CAPZA1: variants seen among roughly 807,000 people sequenced by gnomAD.
CAPZA1 encodes capping actin protein of muscle Z-line subunit alpha 1.
CAPZA1 carries 10 observed loss-of-function variants against 40.8 expected under a neutral mutation model. That is an observed-to-expected ratio of 0.25 (90% confidence interval 0.15 to 0.42). The LOEUF is 0.42. Among genes scored for constraint, CAPZA1 ranks in the 10% least tolerant of loss-of-function variants. CAPZA1 has a pLI of 1.00. For missense variants in CAPZA1, 277 were observed against 353.8 expected (o/e 0.78, Z 1.74); for synonymous variants, 98 against 115.0 (o/e 0.85, Z 0.95).
intron 7 of CAPZA1, chr1:112,666,789 T>C (rs1671731559): frequency 1.4e-5 from 4 of 281,666 alleles, no homozygotes; most frequent in Non-Finnish European, 6.6e-6. Flanking sequence ...TACCTTTGTA[T>C]TCACAATGCC....
chr1:112,628,540 A>T (rs1221581860), intron 1 of CAPZA1, among the ~76,000 whole-genome samples: 1 of 152,246 alleles, frequency 6.6e-6, no homozygotes, highest in African/African-American at 2.4e-5. Flanking sequence ...GAACAAAGGA[A>T]GTTAACTAGA....
chr1:112,660,311 C>G (rs1182537923), intron 7 of CAPZA1, among the ~76,000 whole-genome samples: 1 of 152,072 alleles, frequency 6.6e-6, no homozygotes, highest in Non-Finnish European at 1.5e-5. Flanking sequence ...TGGAGTTTTG[C>G]TCTTATTGCC....
intron 1 of CAPZA1, chr1:112,620,318 T>A (rs1273273387): frequency 6.4e-6 from 1 of 156,180 alleles, no homozygotes; most frequent in Non-Finnish European, 1.4e-5. Flanking sequence ...CACTTCCTGG[T>A]CAGGATGGCC....
chr1:112,656,028 A>G (rs1023172660), intron 5 of CAPZA1, among the ~76,000 whole-genome samples: 1 of 152,226 alleles, frequency 6.6e-6, no homozygotes, highest in Non-Finnish European at 1.5e-5. Context: ...AAATATGTAT[A>G]CATTGTGGAA....
chr1:112,624,605 C>CAA (rs34860716), intron 1 of CAPZA1, among the ~76,000 whole-genome samples: 978 of 55,828 alleles, frequency 0.018, 86 homozygotes, highest in African/African-American at 0.023. Context: ...AAAACTCCAT[C>CAA]AAAAAAAAAA....
At chr1:112,621,404 A>G (rs1670659027) in intron 1 of CAPZA1, among the ~76,000 whole-genome samples, 1 of 151,894 alleles carries the variant, frequency 6.6e-6, no homozygotes, top group South Asian at 2.1e-4. Context: ...GGCACCCGCC[A>G]CCAAGTCCAG....
At chr1:112,621,771 T>C (rs907485222) in intron 1 of CAPZA1, among the ~76,000 whole-genome samples, 2 of 149,526 alleles carry the variant, frequency 1.3e-5, no homozygotes, top group Non-Finnish European at 3.0e-5. Context: ...GTTTTTTTTT[T>C]TTTTTTTTGA....
At position 112,661,542 on chromosome 1, in the gene CAPZA1, G is replaced by A. The variant is rs141054816; in HGVS notation, c.585+1763G>A. Among the ~76,000 whole-genome samples the A allele has an allele frequency of 7.7e-3, 1,171 of 152,264 alleles. 7 individuals are homozygous for A. Among genetic ancestry groups the A allele is most frequent in the Middle Eastern group, 0.014 (4 of 294 alleles). On this transcript the variant is annotated intron_variant, in intron 7 of 9. Transcript: ENST00000263168. Reference sequence around the variant, plus strand: ...TGTCTTGGGGTCTCCTTCTGGGAAGGTGCAACCTAAGACAGCATACTGTTC... The same window carrying A: ...TGTCTTGGGGTCTCCTTCTGGGAAGATGCAACCTAAGACAGCATACTGTTC...
chr1:112,669,680 T>G, intron 9 of CAPZA1, 75 bp downstream of exon 9: 2 of 1,069,942 alleles, frequency 1.9e-6, no homozygotes, highest in Non-Finnish European at 2.9e-6. Flanking sequence ...TGTTAGGCCT[T>G]GTGTCCTTTA....
chr1:112,622,288 T>TTA (rs1315292797), intron 1 of CAPZA1, among the ~76,000 whole-genome samples: 6 of 152,104 alleles, frequency 3.9e-5, no homozygotes, highest in African/African-American at 1.4e-4. Flanking sequence ...TTTAATCACT[T>TTA]TATAAAGAGG....
At chr1:112,653,755 A>G in intron 4 of CAPZA1, 94 bp downstream of exon 4, 1 of 843,194 alleles carries the variant, frequency 1.2e-6, no homozygotes. Flanking sequence ...GTGCTGAATA[A>G]ATTTGTCTTA....
chr1:112,664,448 C>T (rs993818774), intron 7 of CAPZA1, among the ~76,000 whole-genome samples: 4 of 152,060 alleles, frequency 2.6e-5, no homozygotes, highest in Non-Finnish European at 5.9e-5. Flanking sequence ...TTTGACAAAA[C>T]ATAGCATTGG....
At chr1:112,664,456 T>C (rs1011814160) in intron 7 of CAPZA1, among the ~76,000 whole-genome samples, 33 of 152,126 alleles carry the variant, frequency 2.2e-4, no homozygotes, top group Non-Finnish European at 4.1e-4. Context: ...AACATAGCAT[T>C]GGGAGGTATT....
At chr1:112,659,844 G>C (rs1671569684) in intron 7 of CAPZA1, 65 bp downstream of exon 7, 1 of 1,281,678 alleles carries the variant, frequency 7.8e-7, no homozygotes, top group Middle Eastern at 1.9e-4. Context: ...AGGTTGCTTT[G>C]GTATTAAATA....
intron 1 of CAPZA1, among the ~76,000 whole-genome samples, chr1:112,623,398 A>T (rs1430472055): frequency 6.6e-6 from 1 of 152,146 alleles, no homozygotes; most frequent in East Asian, 1.9e-4. Flanking sequence ...ATCCTAGGAC[A>T]GGCCGGGCCC....
chr1:112,647,158 T>A (rs1671295269), intron 1 of CAPZA1, 52 bp from the exon 2 acceptor site: 1 of 834,314 alleles, frequency 1.2e-6, no homozygotes, highest in Admixed American at 2.6e-5. Flanking sequence ...ATTTCTCCTT[T>A]TATATGTTAC....
chr1:112,656,475 T>C (rs1266227707), intron 5 of CAPZA1, among the ~76,000 whole-genome samples: 1 of 108,952 alleles, frequency 9.2e-6, no homozygotes, highest in Non-Finnish European at 1.8e-5. Context: ...TTAATGAGAA[T>C]ACCCATTATG....
At position 112,635,970 on chromosome 1, in the gene CAPZA1, A is replaced by T. The variant is rs192404789; in HGVS notation, c.40-11240A>T. Among the ~76,000 whole-genome samples the T allele has an allele frequency of 1.5e-3, 225 of 152,316 alleles. 5 individuals carry two copies. The East Asian group carries it at 0.038, about 25-fold the overall frequency. ...CTTGAACCCGGGAGGCGGAGGTTGC[A>T]GTGAGCTGAGATCGCGCCACTGCAC... On this transcript the variant is annotated intron_variant, in intron 1 of 9. Coordinates refer to ENST00000263168, the MANE Select transcript of CAPZA1 (RefSeq NM_006135.3).
intron 2 of CAPZA1, among the ~76,000 whole-genome samples, chr1:112,649,041 G>A (rs1012976680): frequency 8.6e-5 from 13 of 151,884 alleles, no homozygotes; most frequent in Admixed American, 7.2e-4. Flanking sequence ...GATTCTCCAA[G>A]GTTAAGAATT....
Sources: gnomAD v4.1 joint callset for allele counts (sites outside exome capture counted in the v4.1 genomes callset) on GRCh38, gnomAD v4.1.1 for gene constraint, MANE v1.5 for transcripts, NCBI Gene and HGNC (gene_info 2026-07-23, HGNC 2026-07-21) for gene names.